Variants in INVS observed in about 807,000 individuals in gnomAD.
INVS encodes inversion of embryo turning homolog.
In INVS, 86 loss-of-function variants were observed where a neutral mutation model predicts 108.8. The ratio of observed to expected loss-of-function variants is 0.79; its 90% confidence interval spans 0.66 to 0.95. INVS has a LOEUF of 0.95. Ranked by LOEUF, INVS falls within the 40% of genes least tolerant of loss-of-function variation. The pLI is 0.00. For missense variants in INVS, 1,169 were observed against 1,297.4 expected (o/e 0.90, Z 1.52); for synonymous variants, 455 against 473.5 (o/e 0.96, Z 0.51).
chr9:100,222,602 A>C (rs2118378642), intron 3 of INVS, among the ~76,000 whole-genome samples: 1 of 152,316 alleles, frequency 6.6e-6, no homozygotes, highest in Non-Finnish European at 1.5e-5. Flanking sequence ...TATGCCAAGC[A>C]CTGTGTCTAT....
chr9:100,138,321 G>A (rs968747521), intron 3 of INVS, among the ~76,000 whole-genome samples: 2 of 152,098 alleles, frequency 1.3e-5, no homozygotes, highest in East Asian at 1.9e-4. Context: ...CAGGAGAATC[G>A]CTTGAACCCA....
rs1447861795 is a variant in INVS, at chr9:100,130,074, A to G, written c.273+3525A>G. ...AGTAGAGATTATTTTAAATTATCCT[A>G]TATTTTCTTTTATGTTTAAATCTCT... On this transcript the variant is annotated intron_variant, in intron 3 of 16. Coordinates refer to ENST00000262457, the MANE Select transcript of INVS (RefSeq NM_014425.5). The G allele has an allele frequency of 4.3e-5, 8 of 185,380 alleles. No homozygotes were observed. In the East Asian group the frequency reaches 8.8e-4, roughly 20 times the overall value. 11.5% of individuals were successfully genotyped at this position (185,380 alleles called of 1,614,324 possible).
intron 13 of INVS, among the ~76,000 whole-genome samples, chr9:100,285,887 C>T (rs1283343812): frequency 6.6e-6 from 1 of 152,210 alleles, no homozygotes; most frequent in Non-Finnish European, 1.5e-5. Context: ...ACACACTGAG[C>T]TACTCTTATA....
At chr9:100,230,383 C>T (rs1364836135) in intron 5 of INVS, among the ~76,000 whole-genome samples, 2 of 152,046 alleles carry the variant, frequency 1.3e-5, no homozygotes, top group South Asian at 2.1e-4. Flanking sequence ...TATTTGTATC[C>T]TTAAACAATA....
chr9:100,141,621 ATTTTAG>A (rs1387747924), intron 3 of INVS, among the ~76,000 whole-genome samples: 1 of 152,138 alleles, frequency 6.6e-6, no homozygotes, highest in Non-Finnish European at 1.5e-5. Context: ...ACTAAGAGGT[ATTTTAG>A]TTTTCTGACT....
At chr9:100,262,619 T>A (rs188359505) in intron 10 of INVS, among the ~76,000 whole-genome samples, 18 of 146,052 alleles carry the variant, frequency 1.2e-4, no homozygotes, top group African/African-American at 4.6e-4. Context: ...AAATTTTCTT[T>A]ATTCCTTACC....
chr9:100,135,414 A>C lies in INVS; in HGVS notation c.273+8865A>C, dbSNP rs550045583. Among the ~76,000 whole-genome samples the C allele has an allele frequency of 2.6e-5, 4 of 152,266 alleles. No individual in the cohort carries two copies. The South Asian group carries it at 8.3e-4, about 32-fold the overall frequency. On this transcript the variant is annotated intron_variant, in intron 3 of 16. Transcript: ENST00000262457. ...ACATAGACGTCTGGGCCCCACCACC[A>C]GTGTTTTTAATTCAGCAGGGCTGGT...
chr9:100,233,017 C>T (rs1269451398), intron 5 of INVS, among the ~76,000 whole-genome samples: 1 of 150,772 alleles, frequency 6.6e-6, no homozygotes, highest in Non-Finnish European at 1.5e-5. Context: ...TGTTTGTGTC[C>T]TCTCTTATGT....
At chr9:100,132,215 T>C (rs1828074509) in intron 3 of INVS, among the ~76,000 whole-genome samples, 1 of 129,202 alleles carries the variant, frequency 7.7e-6, no homozygotes, top group Non-Finnish European at 1.6e-5. Flanking sequence ...CAGTAATTTA[T>C]TTAAGGAATA....
chr9:100,212,735 G>A (rs1830870434), intron 3 of INVS, among the ~76,000 whole-genome samples: 1 of 152,090 alleles, frequency 6.6e-6, no homozygotes, highest in South Asian at 2.1e-4. Context: ...GTGGGTTGCT[G>A]TAATAACCCC....
chr9:100,180,781 A>G (rs893790417), intron 3 of INVS, among the ~76,000 whole-genome samples: 2 of 152,194 alleles, frequency 1.3e-5, no homozygotes, highest in Admixed American at 1.3e-4. Flanking sequence ...TCATTTTATG[A>G]GGCCAGCATC....
chr9:100,135,730 C>T lies in INVS; in HGVS notation c.273+9181C>T, dbSNP rs139130094. On this transcript the variant is annotated intron_variant, in intron 3 of 16. Transcript: ENST00000262457. ...TTGTGAAAAATGGAATTTTAGGCTT[C>T]GGTGATAATGACTAGTATGAATTGT... is the stretch of plus-strand genomic sequence containing the variant. 9.3e-4 allele frequency among the ~76,000 whole-genome samples: 142 copies of T among 151,928 alleles called. 7 individuals carry two copies. The East Asian group carries it at 0.025, about 27-fold the overall frequency.
chr9:100,118,731 G>T (rs1029354509), intron 2 of INVS, among the ~76,000 whole-genome samples: 1 of 151,708 alleles, frequency 6.6e-6, no homozygotes, highest in Non-Finnish European at 1.5e-5. Context: ...CATGATCTCG[G>T]CTCACTGCAA....
At chr9:100,196,400 T>A (rs1830376421) in intron 3 of INVS, among the ~76,000 whole-genome samples, 2 of 152,138 alleles carry the variant, frequency 1.3e-5, no homozygotes. Flanking sequence ...TGTTAAGATG[T>A]TATCTTTTAG....
chr9:100,199,870 T>A (rs960293250), intron 3 of INVS, among the ~76,000 whole-genome samples: 3 of 152,208 alleles, frequency 2.0e-5, no homozygotes, highest in Non-Finnish European at 2.9e-5. Context: ...CAAATTTAAA[T>A]CATTTCTCAA....
intron 3 of INVS, among the ~76,000 whole-genome samples, chr9:100,183,429 A>G (rs568292482): frequency 4.6e-5 from 7 of 152,334 alleles, no homozygotes; most frequent in African/African-American, 1.2e-4. Flanking sequence ...TGGTAAAACT[A>G]TCTTTCCAGA....
chr9:100,258,297 C>G (rs996107696), intron 10 of INVS, among the ~76,000 whole-genome samples: 1 of 152,148 alleles, frequency 6.6e-6, no homozygotes, highest in Non-Finnish European at 1.5e-5. Flanking sequence ...TCTAGTTAGC[C>G]ATTCGTCTAA....
intron 8 of INVS, among the ~76,000 whole-genome samples, chr9:100,248,475 T>A (rs1832117895): frequency 1.3e-5 from 2 of 150,596 alleles, no homozygotes; most frequent in African/African-American, 4.9e-5. Context: ...TCTACAGGGT[T>A]TTTTTTTTTC....
intron 5 of INVS, among the ~76,000 whole-genome samples, chr9:100,233,717 A>C (rs1831588743): frequency 6.6e-6 from 1 of 152,210 alleles, no homozygotes; most frequent in Non-Finnish European, 1.5e-5. Flanking sequence ...CCAGGGATGA[A>C]GCTGACTTGA....
Sources: gnomAD v4.1 joint callset for allele counts (sites outside exome capture counted in the v4.1 genomes callset) on GRCh38, gnomAD v4.1.1 for gene constraint, MANE v1.5 for transcripts, NCBI Gene and HGNC (gene_info 2026-07-23, HGNC 2026-07-21) for gene names.